MAP2K5: variants seen among roughly 807,000 people sequenced by gnomAD.
MAP2K5 encodes the protein dual specificity mitogen-activated protein kinase kinase 5.
MAP2K5 carries 49 observed loss-of-function variants against 83.1 expected under a neutral mutation model. The ratio of observed to expected loss-of-function variants is 0.59; its 90% CI spans 0.47 to 0.75. The LOEUF is 0.75. Ranked by LOEUF, MAP2K5 falls within the 30% of genes least tolerant of loss-of-function variation. The pLI, the probability that MAP2K5 is intolerant of heterozygous loss-of-function variation, is 0.00. For missense variants in MAP2K5, 457 were observed against 557.5 expected (o/e 0.82, Z 1.82); for synonymous variants, 202 against 191.8 (o/e 1.05, Z -0.44).
chr15:67,747,840 T>C lies in MAP2K5; in HGVS notation c.1075-391T>C, dbSNP rs1416366580. Among the ~76,000 whole-genome samples, 2 of 152,352 alleles carry C rather than the reference T, an allele frequency of 1.3e-5. No individual in the cohort carries two copies. The highest frequency in any genetic ancestry group is 2.9e-5 in the Non-Finnish European group (2 of 68,022). On this transcript the variant is annotated intron_variant, in intron 17 of 21. Transcript: ENST00000178640. The surrounding 1 kb of genome is among the most constrained non-coding windows in gnomAD (Gnocchi z 4.1). ...TCTGACTATGATTTAATTTCAATTT[T>C]AAATAAATCGGTTTTTAATTTAAAA... is the stretch of plus-strand genomic sequence containing the variant.
intron 21 of MAP2K5, among the ~76,000 whole-genome samples, chr15:67,776,843 C>T (rs74433077): frequency 6.6e-6 from 1 of 152,184 alleles, no homozygotes; most frequent in African/African-American, 2.4e-5. Context: ...CATCCCTTCA[C>T]TGTGTAACCT....
At position 67,543,515 on chromosome 15, in the gene MAP2K5, G is replaced by A. The variant is rs1417430184; in HGVS notation, c.135+45G>A. The A allele has an allele frequency of 6.2e-7, 1 of 1,611,862 alleles. No individual in the cohort carries two copies. Among genetic ancestry groups the A allele is most frequent in the South Asian group, 1.1e-5 (1 of 90,946 alleles). On this transcript the variant is annotated intron_variant, in intron 1 of 21. Transcript: ENST00000178640. The surrounding 1 kb of genome is among the most constrained non-coding windows in gnomAD (Gnocchi z 4.3). The stretch of plus-strand genomic sequence containing the variant: ...TCCGGATGCCAGCAAGGGGGACTCA[G>A]GGACTTGAGTAGTCAGCACCTTGAC...
In MAP2K5 at chr15:67,652,587, G is replaced by A. The variant is rs181449782; in HGVS notation, c.737-5966G>A. On this transcript the variant is annotated intron_variant, in intron 11 of 21. Transcript: ENST00000178640. The surrounding 1 kb of genome is among the most constrained non-coding windows in gnomAD (Gnocchi z 4.2). The stretch of plus-strand genomic sequence containing the variant: ...CTCCTTTGACCCAAACACCTCTCAC[G>A]AGGCCCCATCTTCAACATTGGGAGT... 4.1e-4 allele frequency among the ~76,000 whole-genome samples: 63 copies of A among 152,254 alleles called. No homozygotes were observed. Among genetic ancestry groups the A allele is most frequent in the African/African-American group, 1.4e-3 (60 of 41,554 alleles).
At chr15:67,767,071 TG>T (rs1301189366) in intron 19 of MAP2K5, among the ~76,000 whole-genome samples, 1 of 152,192 alleles carries the variant, frequency 6.6e-6, no homozygotes, top group Non-Finnish European at 1.5e-5. Flanking sequence ...AAAGTCGACT[TG>T]GGCTGGCATT....
chr15:67,608,993 G>A (rs2085845913), intron 8 of MAP2K5, among the ~76,000 whole-genome samples: 1 of 152,162 alleles, frequency 6.6e-6, no homozygotes, highest in Admixed American at 6.5e-5. Context: ...GCCTAAGGAT[G>A]GACACAATGT....
chr15:67,551,613 G>A (rs1280942747), intron 2 of MAP2K5, among the ~76,000 whole-genome samples: 2 of 152,088 alleles, frequency 1.3e-5, no homozygotes, highest in African/African-American at 4.8e-5. Flanking sequence ...GATTATAGAT[G>A]TCAGCCACTG....
intron 12 of MAP2K5, among the ~76,000 whole-genome samples, chr15:67,663,436 A>AC (rs1397686657): frequency 6.6e-6 from 1 of 152,142 alleles, no homozygotes; most frequent in Non-Finnish European, 1.5e-5. Flanking sequence ...TTTTACCTTG[A>AC]CCTAAACACT....
intron 11 of MAP2K5, among the ~76,000 whole-genome samples, chr15:67,655,941 T>C (rs2087063506): frequency 6.6e-6 from 1 of 152,198 alleles, no homozygotes; most frequent in South Asian, 2.1e-4. Context: ...ACTGGATAAT[T>C]TCCATTGACC....
At chr15:67,659,718 C>G (rs1391160982) in intron 12 of MAP2K5, among the ~76,000 whole-genome samples, 2 of 151,310 alleles carry the variant, frequency 1.3e-5, no homozygotes, top group African/African-American at 4.8e-5. Flanking sequence ...TAATAAAGGG[C>G]AAAAAAAGGC....
Position 67,806,760 on chromosome 15 carries a change from A to G in MAP2K5, c.*10A>G, listed in dbSNP as rs1487506217. On this transcript the variant is annotated 3_prime_UTR_variant, in exon 22 of 22. Transcript: ENST00000178640. ...GCAGGGGCCCCCGTGAGGCTGCCGCAGGGCACTGAAAGCCCAGGACCAGTA... is the reference window on the plus strand; with the variant it reads ...GCAGGGGCCCCCGTGAGGCTGCCGCGGGGCACTGAAAGCCCAGGACCAGTA... 1.9e-6 allele frequency: 3 copies of G among 1,565,164 alleles called. No homozygotes were observed. The highest frequency in any genetic ancestry group is 2.4e-5 in the East Asian group (1 of 42,324).
chr15:67,611,293 G>T (rs2085918054), intron 8 of MAP2K5, among the ~76,000 whole-genome samples: 1 of 152,132 alleles, frequency 6.6e-6, no homozygotes, highest in Non-Finnish European at 1.5e-5. Flanking sequence ...ATTATAGAAT[G>T]AATTTTTACC....
intron 7 of MAP2K5, 63 bp downstream of exon 7, chr15:67,593,037 A>G (rs1596614765): frequency 1.9e-6 from 2 of 1,065,826 alleles, no homozygotes; most frequent in East Asian, 5.0e-5. Flanking sequence ...CAGTTTTTGT[A>G]TCCATAAGCT....
Position 67,764,209 on chromosome 15 carries a change from C to G in MAP2K5, c.1135-5393C>G, listed in dbSNP as rs578203396. On this transcript the variant is annotated intron_variant, in intron 19 of 21. Coordinates refer to ENST00000178640, the MANE Select transcript of MAP2K5 (RefSeq NM_145160.3). This position sits in a 1 kb window ranked among gnomAD's most constrained non-coding sequence, Gnocchi z 4.9. The stretch of plus-strand genomic sequence containing the variant: ...TGAGATATTTGAGAGGTTGTCCCAT[C>G]TTCCTTTGCTTTACTGCCAGTATGC... Among the ~76,000 whole-genome samples the G allele has an allele frequency of 9.2e-5, 14 of 152,232 alleles. No individual in the cohort carries two copies. Among genetic ancestry groups the G allele is most frequent in the Admixed American group, 3.9e-4 (6 of 15,286 alleles).
intron 13 of MAP2K5, among the ~76,000 whole-genome samples, chr15:67,687,622 A>T (rs2087989650): frequency 6.6e-6 from 1 of 152,156 alleles, no homozygotes; most frequent in South Asian, 2.1e-4. Flanking sequence ...ATGACTATGG[A>T]TTCTTCTCAG....
chr15:67,777,332 A>G lies in MAP2K5; in HGVS notation c.1242+4580A>G, dbSNP rs997855380. 3.9e-5 allele frequency among the ~76,000 whole-genome samples: 6 copies of G among 152,186 alleles called. No individual in the cohort carries two copies. Among genetic ancestry groups the G allele is most frequent in the South Asian group, 2.1e-4 (1 of 4,830 alleles). ...GGCTCAGAGTACGGTAGATCTTTCTATGCATTTAGAGTGTTTCCAGAAGCT... is the reference window on the plus strand; with the variant it reads ...GGCTCAGAGTACGGTAGATCTTTCTGTGCATTTAGAGTGTTTCCAGAAGCT... On this transcript the variant is annotated intron_variant, in intron 21 of 21. Transcript: ENST00000178640. The surrounding 1 kb of genome is among the most constrained non-coding windows in gnomAD (Gnocchi z 6.0).
chr15:67,581,429 G>A (rs531728284), intron 4 of MAP2K5, among the ~76,000 whole-genome samples: 5 of 152,172 alleles, frequency 3.3e-5, no homozygotes, highest in African/African-American at 1.2e-4. Flanking sequence ...TATCAGATAT[G>A]ATTGTTCAAC....
chr15:67,626,376 A>C (rs1266702902), intron 8 of MAP2K5, among the ~76,000 whole-genome samples: 2 of 152,060 alleles, frequency 1.3e-5, no homozygotes, highest in Non-Finnish European at 2.9e-5. Context: ...TACAAAAAAA[A>C]ATTAGCCAGG....
intron 15 of MAP2K5, among the ~76,000 whole-genome samples, chr15:67,701,014 G>T (rs1567370198): frequency 6.6e-6 from 1 of 151,984 alleles, no homozygotes; most frequent in Non-Finnish European, 1.5e-5. Context: ...AATGTAATAA[G>T]TGTGTTTAAC....
chr15:67,702,010 AT>A lies in MAP2K5; in HGVS notation c.973-1324del, dbSNP rs1336768172. On this transcript the variant is annotated intron_variant, in intron 15 of 21. Coordinates refer to ENST00000178640, the MANE Select transcript of MAP2K5 (RefSeq NM_145160.3). This position sits in a 1 kb window ranked among gnomAD's most constrained non-coding sequence, Gnocchi z 4.6. ...TCACTTACTAAGCCTCAGTTTTTAC[AT>A]TTGTAAACTGAGGGCAATAATACCT... Among the ~76,000 whole-genome samples the A allele has an allele frequency of 6.6e-6, 1 of 152,212 alleles. No homozygotes were observed. The highest frequency in any genetic ancestry group is 6.5e-5 in the Admixed American group (1 of 15,276).
Sources: gnomAD v4.1 joint callset for allele counts (sites outside exome capture counted in the v4.1 genomes callset) on GRCh38, gnomAD v4.1.1 for gene constraint, Gnocchi (gnomAD v3.1) non-coding constraint, MANE v1.5 for transcripts, NCBI Gene and HGNC (gene_info 2026-07-23, HGNC 2026-07-21) for gene names.